ST8SIA6: variants seen among roughly 807,000 people sequenced by gnomAD.
ST8SIA6 encodes ST8 alpha-N-acetyl-neuraminide alpha-2,8-sialyltransferase 6.
Under a neutral mutation model 33.6 loss-of-function variants are expected in ST8SIA6, and 39 were observed. That is an observed-to-expected ratio of 1.16 (90% CI 0.90 to 1.52). ST8SIA6 has a LOEUF of 1.52. Ranked by LOEUF, ST8SIA6 falls within the 40% of genes most tolerant of loss-of-function variation. The pLI is 0.00. For synonymous variants in ST8SIA6, 172 were observed against 167.2 expected, an observed-to-expected ratio of 1.03 and a Z score of -0.22; for missense variants, 441 against 443.8, an observed-to-expected ratio of 0.99 and a Z score of 0.06.
intron 4 of ST8SIA6, among the ~76,000 whole-genome samples, chr10:17,340,196 C>T (rs1030341400): frequency 6.6e-6 from 1 of 152,148 alleles, no homozygotes; most frequent in African/African-American, 2.4e-5. Flanking sequence ...TCTTCGTCTC[C>T]TTGCCCCTAG....
intron 4 of ST8SIA6, among the ~76,000 whole-genome samples, chr10:17,334,751 C>T (rs903498313): frequency 8.6e-5 from 13 of 151,930 alleles, no homozygotes; most frequent in African/African-American, 2.9e-4. Context: ...TACCAAGCTA[C>T]GTTTCAAAAT....
At chr10:17,327,924 T>C (rs1044277217) in intron 5 of ST8SIA6, among the ~76,000 whole-genome samples, 2 of 144,986 alleles carry the variant, frequency 1.4e-5, no homozygotes, top group Admixed American at 1.4e-4. Flanking sequence ...TTAAAAAATG[T>C]GTAAGTAAAA....
intron 4 of ST8SIA6, among the ~76,000 whole-genome samples, chr10:17,348,215 AG>A (rs776860636): frequency 4.3e-4 from 59 of 137,004 alleles, no homozygotes; most frequent in Non-Finnish European, 8.2e-4. Flanking sequence ...AGGGAAGAGT[AG>A]GAACCTTTTT....
At chr10:17,414,139 C>T (rs1399533965) in intron 2 of ST8SIA6, among the ~76,000 whole-genome samples, 1 of 148,282 alleles carries the variant, frequency 6.7e-6, no homozygotes, top group Non-Finnish European at 1.5e-5. Context: ...CCTTGACTGG[C>T]AAATTTGGAG....
intron 4 of ST8SIA6, among the ~76,000 whole-genome samples, chr10:17,334,909 A>T (rs1378877946): frequency 6.6e-6 from 1 of 152,202 alleles, no homozygotes; most frequent in Non-Finnish European, 1.5e-5. Flanking sequence ...AATGATGTAG[A>T]TGCCTTAAAG....
At chr10:17,449,687 C>A (rs1413191824) in intron 2 of ST8SIA6, among the ~76,000 whole-genome samples, 1 of 152,180 alleles carries the variant, frequency 6.6e-6, no homozygotes, top group Non-Finnish European at 1.5e-5. Context: ...CTAGTCCCCA[C>A]AATTTATCAT....
rs190761647 is a variant in ST8SIA6 at position 17,412,599 on chromosome 10, A to G, written c.201-21979T>C. 2.1e-3 allele frequency among the ~76,000 whole-genome samples: 327 copies of G among 152,306 alleles called. 2 individuals carry two copies. Among genetic ancestry groups the G allele is most frequent in the Non-Finnish European group, 3.5e-3 (235 of 68,036 alleles). On this transcript the variant is annotated intron_variant, in intron 2 of 7. Transcript: ENST00000377602. Reference sequence around the variant, plus strand: ...AGGGGAGCCAGTCACTGCTACATCAATGGCTGCATCACGGTATCCTTTTTA... The same window carrying G: ...AGGGGAGCCAGTCACTGCTACATCAGTGGCTGCATCACGGTATCCTTTTTA...
At chr10:17,409,051 G>C (rs1275761349) in intron 2 of ST8SIA6, among the ~76,000 whole-genome samples, 1 of 151,480 alleles carries the variant, frequency 6.6e-6, no homozygotes, top group Admixed American at 6.6e-5. Context: ...CCAAAGTGTT[G>C]GGATTACAGG....
chr10:17,407,364 G>A (rs1851304607), intron 2 of ST8SIA6, among the ~76,000 whole-genome samples: 1 of 152,100 alleles, frequency 6.6e-6, no homozygotes, highest in African/African-American at 2.4e-5. Flanking sequence ...AGTGACACTT[G>A]CCATCAGAGG....
intron 2 of ST8SIA6, among the ~76,000 whole-genome samples, chr10:17,445,806 G>C (rs1257226136): frequency 6.6e-6 from 1 of 152,186 alleles, no homozygotes; most frequent in East Asian, 1.9e-4. Flanking sequence ...TAGGAAGAGG[G>C]TGGTGGATAC....
chr10:17,387,007 T>G (rs1174714190), intron 3 of ST8SIA6: 1 of 152,272 alleles, frequency 6.6e-6, no homozygotes, highest in African/African-American at 2.4e-5. Flanking sequence ...TCCCTCTTTC[T>G]GATCTCTTTT....
intron 5 of ST8SIA6, among the ~76,000 whole-genome samples, chr10:17,330,848 T>C (rs1848277162): frequency 1.3e-5 from 2 of 152,360 alleles, no homozygotes; most frequent in South Asian, 2.1e-4. Flanking sequence ...TTTTATATCA[T>C]ATCATTACTC....
chr10:17,399,296 T>C (rs995658582), intron 2 of ST8SIA6: 1 of 152,158 alleles, frequency 6.6e-6, no homozygotes, highest in African/African-American at 2.4e-5. Flanking sequence ...AAACACACAA[T>C]TACCATCTGA....
intron 4 of ST8SIA6, among the ~76,000 whole-genome samples, chr10:17,338,532 A>G (rs994725568): frequency 6.6e-6 from 1 of 152,220 alleles, no homozygotes; most frequent in Non-Finnish European, 1.5e-5. Context: ...TGGTACCACC[A>G]TAGCATAGAT....
At chr10:17,383,494 C>T (rs1042894012) in intron 3 of ST8SIA6, among the ~76,000 whole-genome samples, 7 of 152,146 alleles carry the variant, frequency 4.6e-5, no homozygotes, top group African/African-American at 1.7e-4. Flanking sequence ...CAGTAATAAT[C>T]ATAATTGTTA....
At chr10:17,333,692 T>TAG (rs1848382963) in intron 4 of ST8SIA6, among the ~76,000 whole-genome samples, 2 of 29,104 alleles carry the variant, frequency 6.9e-5, no homozygotes, top group African/African-American at 3.3e-4. Context: ...TATATATATA[T>TAG]ATATATATAT....
At chr10:17,404,064 C>CAAAAAAAA (rs964237726) in intron 2 of ST8SIA6, among the ~76,000 whole-genome samples, 1 of 56,590 alleles carries the variant, frequency 1.8e-5, no homozygotes, top group African/African-American at 6.2e-5. Context: ...GACACTGTCT[C>CAAAAAAAA]AAAAAAAAAA....
intron 2 of ST8SIA6, among the ~76,000 whole-genome samples, chr10:17,430,841 T>C (rs1852081314): frequency 6.6e-6 from 1 of 152,224 alleles, no homozygotes. Flanking sequence ...GGTTGTCTAT[T>C]TGCTCTGCTG....
chr10:17,338,423 T>G (rs1848573573), intron 4 of ST8SIA6, among the ~76,000 whole-genome samples: 1 of 152,240 alleles, frequency 6.6e-6, no homozygotes, highest in Admixed American at 6.5e-5. Flanking sequence ...CTCAAACCTT[T>G]GTGTTTTGAC....
Sources: gnomAD v4.1 joint callset for allele counts (sites outside exome capture counted in the v4.1 genomes callset) on GRCh38, gnomAD v4.1.1 for gene constraint, MANE v1.5 for transcripts, NCBI Gene and HGNC (gene_info 2026-07-23, HGNC 2026-07-21) for gene names.